The following LPCAT2 variants were observed in gnomAD, a reference collection of about 807,000 sequenced individuals.
LPCAT2 encodes lysophosphatidylcholine acyltransferase 2.
Under a neutral mutation model 64.7 loss-of-function variants are expected in LPCAT2, and 58 were observed. That is an observed-to-expected ratio of 0.90 (90% confidence interval 0.73 to 1.12). LPCAT2 has a LOEUF of 1.12. Among genes scored for constraint, LPCAT2 ranks in the 50% most tolerant of loss-of-function variants. The pLI, the probability that LPCAT2 is intolerant of heterozygous loss-of-function variation, is 0.00. For synonymous variants in LPCAT2, 252 were observed against 245.3 expected, an observed-to-expected ratio of 1.03 and a Z score of -0.26; for missense variants, 579 against 669.8, an observed-to-expected ratio of 0.86 and a Z score of 1.50.
At position 55,579,205 on chromosome 16, in the gene LPCAT2, C is replaced by G. The variant is rs750898174; in HGVS notation, c.1411C>G (p.Leu471Val). ...AGTGCCTGACCTTGATGTTTCTGGTCTCTTCAAGGAAATAGCCCAAGGGGA... is the reference window on the plus strand; with the variant it reads ...AGTGCCTGACCTTGATGTTTCTGGTGTCTTCAAGGAAATAGCCCAAGGGGA... ...LGVPDLDVSGLFKEIAQGDSI... is the reference protein window; with the variant it reads ...LGVPDLDVSGVFKEIAQGDSI... The change falls in exon 13 of 14, where the codon CTC (leucine) becomes GTC (valine). Residue 471 changes from leucine (L) to valine (V), a missense_variant. Transcript: ENST00000262134. 2.5e-6 allele frequency: 4 copies of G among 1,613,354 alleles called. No homozygotes were observed. Among genetic ancestry groups the G allele is most frequent in the Non-Finnish European group, 3.4e-6 (4 of 1,179,656 alleles).
intron 11 of LPCAT2, among the ~76,000 whole-genome samples, chr16:55,560,726 A>G (rs1220285671): frequency 6.6e-6 from 1 of 152,012 alleles, no homozygotes; most frequent in African/African-American, 2.4e-5. Flanking sequence ...CCAAGGCCAC[A>G]CAGCTGGTTA....
chr16:55,513,443 CTGAGA>C, intron 1 of LPCAT2, among the ~76,000 whole-genome samples: 1 of 151,706 alleles, frequency 6.6e-6, no homozygotes, highest in East Asian at 1.9e-4. Flanking sequence ...ATGAAAAAAA[CTGAGA>C]TGAGACATCA....
chr16:55,518,228 A>G (rs1596847057), intron 1 of LPCAT2, among the ~76,000 whole-genome samples: 1 of 152,216 alleles, frequency 6.6e-6, no homozygotes, highest in Non-Finnish European at 1.5e-5. Flanking sequence ...CAACAGAAGA[A>G]TTCTACATTG....
chr16:55,514,954 C>G (rs1195054245), intron 1 of LPCAT2, among the ~76,000 whole-genome samples: 2 of 148,200 alleles, frequency 1.3e-5, no homozygotes, highest in Non-Finnish European at 3.0e-5. Flanking sequence ...GGCTCAACAG[C>G]AGACTATCAA....
intron 8 of LPCAT2, chr16:55,539,366 A>G (rs1963368138): frequency 6.6e-6 from 1 of 151,834 alleles, no homozygotes; most frequent in African/African-American, 2.4e-5. Context: ...TTGTTCCATA[A>G]CTTCACAAAT....
intron 1 of LPCAT2, among the ~76,000 whole-genome samples, chr16:55,518,147 G>A (rs1963039951): frequency 6.6e-6 from 1 of 152,042 alleles, no homozygotes; most frequent in African/African-American, 2.4e-5. Context: ...TTTTTCACAA[G>A]CAACAATCTA....
Position 55,582,953 on chromosome 16 carries a change from C to T in LPCAT2, c.1490C>T (p.Ala497Val). Residue 497 changes from alanine (A) to valine (V), a missense_variant, in exon 14 of 14, where the codon GCT becomes GTT. Physicochemically the swap from Ala to Val is moderately conservative, Grantham distance 64. Coordinates refer to ENST00000262134, the MANE Select transcript of LPCAT2 (RefSeq NM_017839.5). ...TTTGCCTTAAAGCATCCAGAATATG[C>T]TAAGATATTTACAACATACCTAGAC... Reference protein sequence around the residue: ...KSFALKHPEYAKIFTTYLDLQ... With the variant: ...KSFALKHPEYVKIFTTYLDLQ... The T allele has an allele frequency of 6.2e-7, 1 of 1,613,348 alleles. No homozygotes were observed. Among genetic ancestry groups the T allele is most frequent in the Non-Finnish European group, 8.5e-7 (1 of 1,179,546 alleles).
At chr16:55,520,111 G>A (rs1963073973) in intron 1 of LPCAT2, among the ~76,000 whole-genome samples, 1 of 152,042 alleles carries the variant, frequency 6.6e-6, no homozygotes, top group Non-Finnish European at 1.5e-5. Context: ...AAGATTTTCA[G>A]ACTAGACAAA....
intron 7 of LPCAT2, among the ~76,000 whole-genome samples, chr16:55,536,058 C>T (rs1963320192): frequency 6.6e-6 from 1 of 152,110 alleles, no homozygotes; most frequent in African/African-American, 2.4e-5. Flanking sequence ...CTTTGAAAGG[C>T]ACAGCTTTGT....
intron 1 of LPCAT2, among the ~76,000 whole-genome samples, chr16:55,518,392 T>C (rs1481278056): frequency 1.3e-5 from 2 of 152,222 alleles, no homozygotes; most frequent in Non-Finnish European, 2.9e-5. Flanking sequence ...AAATATCAGC[T>C]GGCTTCTTTA....
rs1963511731 is a variant in LPCAT2, at chr16:55,551,048, T to C, written c.1161T>C (p.Tyr387=). The C allele has an allele frequency of 6.2e-7, 1 of 1,613,228 alleles. No homozygotes were observed. Among genetic ancestry groups the C allele is most frequent in the South Asian group, 1.1e-5 (1 of 91,012 alleles). ...GRIGIEEFAK[Y]LKLPVSDVLR... ...TTGGAATTGAAGAATTCGCCAAGTA[T>C]TTAAAGTTGCCTGTTTCAGATGTCT... Residue 387 remains tyrosine (Y), a synonymous_variant, in exon 11 of 14, where the codon TAT becomes TAC. Coordinates refer to ENST00000262134, the MANE Select transcript of LPCAT2 (RefSeq NM_017839.5).
At chr16:55,546,784 C>G (rs13337237) in intron 9 of LPCAT2, among the ~76,000 whole-genome samples, 6,550 of 151,922 alleles carry the variant, frequency 0.043, 181 homozygotes, top group East Asian at 0.12. Flanking sequence ...TTTATGTTTT[C>G]TTCTCTTCCT....
At chr16:55,558,058 A>AT (rs1344055251) in intron 11 of LPCAT2, among the ~76,000 whole-genome samples, 4 of 152,132 alleles carry the variant, frequency 2.6e-5, no homozygotes, top group African/African-American at 9.7e-5. Flanking sequence ...TCGCTTCTTT[A>AT]TTTTCATGAA....
chr16:55,526,729 A>AT (rs1293452041), intron 2 of LPCAT2, among the ~76,000 whole-genome samples: 35 of 152,282 alleles, frequency 2.3e-4, no homozygotes, highest in African/African-American at 8.4e-4. Flanking sequence ...TACCTCTTTG[A>AT]TTTTTATTGT....
rs1567396660 is a variant in LPCAT2, at chr16:55,537,390, C to CA, written c.798-188_798-187insA. Among the ~76,000 whole-genome samples the CA allele has an allele frequency of 1.6e-3, 171 of 108,458 alleles. 1 individual carries two copies. The highest frequency in any genetic ancestry group is 2.7e-3 in the South Asian group (9 of 3,336). 71.2% of individuals were successfully genotyped at this position (108,458 alleles called of 152,430 possible). ...TGGGTGACGGAGTAAGACCCTGTCCCCAAAAAAAAAAAAAAGAATAGTTGT... is the reference window on the plus strand; with the variant it reads ...TGGGTGACGGAGTAAGACCCTGTCCCACAAAAAAAAAAAAAAGAATAGTTGT... On this transcript the variant is annotated intron_variant, in intron 7 of 13. Transcript: ENST00000262134.
At chr16:55,537,449 C>A in intron 7 of LPCAT2, 129 bp from the exon 8 acceptor site, 1 of 663,944 alleles carries the variant, frequency 1.5e-6, no homozygotes, top group Non-Finnish European at 2.5e-6. Context: ...TGCAGTGTAG[C>A]ATTTATAAAT....
intron 11 of LPCAT2, chr16:55,566,732 C>T (rs552622469): frequency 2.2e-5 from 34 of 1,580,724 alleles, no homozygotes; most frequent in South Asian, 7.0e-5. Flanking sequence ...AGATTGCTGC[C>T]GCATTTGCTT....
chr16:55,549,114 G>A (rs1963485217), intron 9 of LPCAT2, among the ~76,000 whole-genome samples, 163 bp from the exon 10 acceptor site: 1 of 152,162 alleles, frequency 6.6e-6, no homozygotes, highest in Admixed American at 6.5e-5. Flanking sequence ...GTGAAGAAAT[G>A]GAGAAACATG....
chr16:55,566,880 G>A, intron 11 of LPCAT2: 2 of 1,613,834 alleles, frequency 1.2e-6, no homozygotes, highest in Non-Finnish European at 1.7e-6. Context: ...AGGGATAGTT[G>A]GAGGAATTGT....
Sources: allele counts gnomAD v4.1 joint callset (sites outside exome capture counted in the v4.1 genomes callset), GRCh38; gene constraint gnomAD v4.1.1; transcripts MANE v1.5; gene names NCBI Gene and HGNC (gene_info 2026-07-23, HGNC 2026-07-21).